Variants in SPATA21 observed in about 807,000 individuals in gnomAD.
SPATA21 encodes the protein spermatogenesis-associated protein 21.
A neutral mutation model predicts 54.8 loss-of-function variants in SPATA21; 47 were observed. The observed-to-expected ratio is 0.86, with a 90% confidence interval of 0.68 to 1.09. The LOEUF (loss-of-function observed/expected upper bound fraction) is 1.09. Among genes scored for constraint, SPATA21 ranks in the 50% least tolerant of loss-of-function variants. The probability of loss-of-function intolerance (pLI) is 0.00; values close to 1 mark genes in which losing one functional copy is unlikely to be tolerated. For synonymous variants in SPATA21, 245 were observed against 235.3 expected (o/e 1.04, Z -0.38); for missense variants, 599 against 596.4 (o/e 1.00, Z -0.05).
chr1:16,408,470 T>C, intron 7 of SPATA21: 5 of 985,294 alleles, frequency 5.1e-6, no homozygotes, highest in Non-Finnish European at 6.0e-6. Context: ...CAGGCTTGGG[T>C]TAAGGGAAGA....
At chr1:16,436,793 A>AC (rs201207729) in intron 1 of SPATA21, among the ~76,000 whole-genome samples, 3,801 of 151,928 alleles carry the variant, frequency 0.025, 67 homozygotes, top group Middle Eastern at 0.041. Flanking sequence ...TAAACAAAAA[A>AC]AAAACACCAA....
chr1:16,409,020 G>A lies in SPATA21; in HGVS notation c.673+98C>T, dbSNP rs2085740572. The A allele has an allele frequency of 7.7e-7, 1 of 1,292,062 alleles. No individual in the cohort carries two copies. The highest frequency in any genetic ancestry group is 1.1e-6 in the Non-Finnish European group (1 of 904,158). 80.0% of individuals were successfully genotyped at this position (1,292,062 alleles called of 1,614,324 possible). The stretch of plus-strand genomic sequence containing the variant: ...GTCTGCTACACATGGCGGCAGCCAT[G>A]TGATCTGGAAAGCACCCCAGTCCGC... On this transcript the variant is annotated intron_variant, in intron 7 of 12. Coordinates refer to ENST00000335496, the MANE Select transcript of SPATA21 (RefSeq NM_198546.1). The surrounding 1 kb of genome is among the most constrained non-coding windows in gnomAD (Gnocchi z 4.1).
chr1:16,407,128 A>G (rs74055667), intron 7 of SPATA21, among the ~76,000 whole-genome samples: 24 of 152,328 alleles, frequency 1.6e-4, no homozygotes, highest in African/African-American at 5.5e-4. Context: ...TTAGCCTGGA[A>G]GTCTCTGACA....
chr1:16,403,934 C>T, intron 9 of SPATA21, 34 bp downstream of exon 9: 3 of 1,611,546 alleles, frequency 1.9e-6, no homozygotes, highest in Non-Finnish European at 2.5e-6. Context: ...GCCCCTCCTC[C>T]AGTTCTGACT....
At chr1:16,397,031 A>T (rs2085323787), downstream of SPATA21, 1 of 152,270 alleles carries the variant, frequency 6.6e-6, no homozygotes, top group South Asian at 2.1e-4. The surrounding 1 kb of genome is among the most constrained non-coding windows in gnomAD (Gnocchi z 5.4). Context: ...CCCTTATGTA[A>T]TAGTGGTTTC....
chr1:16,403,168 G>T (rs1454863425), intron 10 of SPATA21, among the ~76,000 whole-genome samples: 1 of 152,160 alleles, frequency 6.6e-6, no homozygotes, highest in East Asian at 1.9e-4. Context: ...GAGACACGTG[G>T]AGGCTTTTGT....
intron 5 of SPATA21, among the ~76,000 whole-genome samples, chr1:16,418,323 G>A (rs2086073684): frequency 1.3e-5 from 2 of 152,116 alleles, no homozygotes; most frequent in Non-Finnish European, 2.9e-5. Context: ...CCAGGCCGGA[G>A]TGCAGTGGCG....
intron 1 of SPATA21, among the ~76,000 whole-genome samples, chr1:16,435,622 C>CTT (rs565292770): frequency 3.5e-5 from 5 of 144,718 alleles, no homozygotes; most frequent in Non-Finnish European, 6.1e-5. Flanking sequence ...CGGCCCCCCC[C>CTT]TTTTTTTTTT....
intron 3 of SPATA21, among the ~76,000 whole-genome samples, chr1:16,423,272 G>A (rs1478500656): frequency 6.6e-6 from 1 of 150,806 alleles, no homozygotes; most frequent in Non-Finnish European, 1.5e-5. Context: ...AATTAGCTGG[G>A]CGTGGTGGTA....
chr1:16,435,698 C>T (rs1337995073), intron 1 of SPATA21, among the ~76,000 whole-genome samples: 5 of 151,806 alleles, frequency 3.3e-5, no homozygotes, highest in Admixed American at 3.3e-4. Context: ...TCACTATAGC[C>T]TTGACCTCTT....
intron 5 of SPATA21, among the ~76,000 whole-genome samples, chr1:16,411,905 C>G (rs2085862706): frequency 6.6e-6 from 1 of 152,026 alleles, no homozygotes; most frequent in South Asian, 2.1e-4. Flanking sequence ...CGTTGGCTGT[C>G]CTGACTCCCC....
At chr1:16,415,691 CT>C (rs2085983815) in intron 5 of SPATA21, among the ~76,000 whole-genome samples, 1 of 152,174 alleles carries the variant, frequency 6.6e-6, no homozygotes, top group Admixed American at 6.5e-5. Context: ...TCCCGAGTAG[CT>C]GGGACTACAG....
At chr1:16,434,812 AT>A (rs1405663895) in intron 1 of SPATA21, among the ~76,000 whole-genome samples, 1 of 151,928 alleles carries the variant, frequency 6.6e-6, no homozygotes, top group Non-Finnish European at 1.5e-5. Context: ...GACTGCTCCA[AT>A]TTTTCTGCAT....
Position 16,400,820 on chromosome 1 carries a change from C to G in SPATA21, c.1074G>C (p.Arg358=). 1.9e-6 allele frequency: 3 copies of G among 1,614,236 alleles called. No homozygotes were observed. Among genetic ancestry groups the G allele is most frequent in the Non-Finnish European group, 2.5e-6 (3 of 1,180,040 alleles). The change falls in exon 11 of 13, where the codon CGG becomes CGC. Residue 358 remains arginine, a synonymous_variant. Coordinates refer to ENST00000335496, the MANE Select transcript of SPATA21 (RefSeq NM_198546.1). ...GGGGGTTGTAGGGAAGCTTCTGCAA[C>G]CGCAGCCGGCCTACGGCCGCTTCCA... ...QEMEAAVGRL[R]LQKLPYNPQQ...
At chr1:16,399,242 G>T in intron 12 of SPATA21, 102 bp downstream of exon 12, 5 of 1,331,092 alleles carry the variant, frequency 3.8e-6, no homozygotes, top group Non-Finnish European at 4.1e-6. Flanking sequence ...AGCCTCTCAG[G>T]TATGATCTCT....
At chr1:16,403,484 TTTTTTTTC>T (rs1288356990) in intron 10 of SPATA21, among the ~76,000 whole-genome samples, 9 of 113,738 alleles carry the variant, frequency 7.9e-5, no homozygotes, top group South Asian at 2.8e-4. Context: ...AGTTTTTTTC[TTTTTTTTC>T]TTTTTTTTTT....
intron 3 of SPATA21, among the ~76,000 whole-genome samples, chr1:16,422,843 A>G (rs765399647): frequency 6.6e-6 from 1 of 152,102 alleles, no homozygotes; most frequent in Non-Finnish European, 1.5e-5. Context: ...TCAAAGAACA[A>G]GAATCCTTCA....
intron 2 of SPATA21, among the ~76,000 whole-genome samples, chr1:16,432,072 C>T (rs916916633): frequency 4.6e-5 from 7 of 151,892 alleles, no homozygotes; most frequent in Admixed American, 3.9e-4. Flanking sequence ...CTGCCCTGGA[C>T]ACATCCTTTC....
intron 5 of SPATA21, among the ~76,000 whole-genome samples, chr1:16,418,911 T>G (rs147867165): frequency 2.2e-4 from 33 of 152,288 alleles, no homozygotes; most frequent in Non-Finnish European, 4.1e-4. Context: ...ATCCATTCAT[T>G]TATTCAACAC....
Sources: allele counts gnomAD v4.1 joint callset (sites outside exome capture counted in the v4.1 genomes callset), GRCh38; gene constraint gnomAD v4.1.1; non-coding constraint Gnocchi (gnomAD v3.1); transcripts MANE v1.5; gene names NCBI Gene and HGNC (gene_info 2026-07-23, HGNC 2026-07-21).